RNF14: variants seen among roughly 807,000 people sequenced by gnomAD.
RNF14 encodes the protein ring finger protein 14, also known as E3 ubiquitin-protein ligase RNF14.
In RNF14, 26 loss-of-function variants were observed where a neutral mutation model predicts 52.6. That is an observed-to-expected ratio of 0.49 (90% CI 0.36 to 0.69). The LOEUF is 0.69. Ranked by LOEUF, RNF14 falls within the 30% of genes least tolerant of loss-of-function variation. The pLI, the probability that RNF14 is intolerant of heterozygous loss-of-function variation, is 0.00. For synonymous variants in RNF14, 194 were observed against 202.0 expected (o/e 0.96, Z 0.34); for missense variants, 404 against 560.4 (o/e 0.72, Z 2.82).
upstream of RNF14, chr5:141,966,936 A>G (rs1753363202): frequency 6.6e-6 from 1 of 152,296 alleles, no homozygotes; most frequent in Non-Finnish European, 1.5e-5. Context: ...CTCTTGGTCT[A>G]ATTCCTTTGG....
chr5:141,951,025 G>A, the RNF14 span, among the ~76,000 whole-genome samples: 15 of 152,278 alleles, frequency 9.9e-5, no homozygotes, highest in East Asian at 1.9e-4. Context: ...TTCTCCATCC[G>A]TAACAAGAAG....
chr5:141,956,536 G>T (rs192248760), upstream of RNF14: 34 of 1,614,190 alleles, frequency 2.1e-5, no homozygotes, highest in East Asian at 7.4e-4. Context: ...GGCTGATAAG[G>T]GCTGGAGTCC....
chr5:141,967,759 A>G (rs1753401187), upstream of RNF14, among the ~76,000 whole-genome samples: 1 of 152,276 alleles, frequency 6.6e-6, no homozygotes, highest in Non-Finnish European at 1.5e-5. Flanking sequence ...GATGGGTCCC[A>G]GGAGAAGGAG....
At chr5:141,987,268 G>A (rs752197098) in intron 8 of RNF14, among the ~76,000 whole-genome samples, 4 of 152,216 alleles carry the variant, frequency 2.6e-5, no homozygotes, top group Non-Finnish European at 4.4e-5. Flanking sequence ...CCCTTGGCCA[G>A]GAGAGGGTCT....
chr5:141,957,106 A>G, upstream of RNF14: 3 of 1,614,176 alleles, frequency 1.9e-6, no homozygotes, highest in Non-Finnish European at 2.5e-6. The surrounding 1 kb of genome is among the most constrained non-coding windows in gnomAD (Gnocchi z 4.3). Context: ...TTCCAGTGCC[A>G]GTGAACTCTC....
intron 6 of RNF14, 58 bp downstream of exon 6, chr5:141,980,409 C>G (rs1007964310): frequency 4.7e-6 from 6 of 1,279,460 alleles, no homozygotes; most frequent in South Asian, 3.6e-5. Context: ...ACATTTCACT[C>G]TACTACCAGG....
intron 2 of RNF14, among the ~76,000 whole-genome samples, chr5:141,971,564 TTTCTTTCTTTCTTTC>T (rs1471092848): frequency 9.8e-5 from 1 of 10,226 alleles, no homozygotes; most frequent in African/African-American, 5.2e-4. Context: ...CTAATTTCTT[TTTCTTTCTTTCTTTC>T]TTTCTTTCTT....
chr5:141,973,262 G>GAGTTTCA (rs1753953486), intron 2 of RNF14, among the ~76,000 whole-genome samples: 1 of 145,632 alleles, frequency 6.9e-6, no homozygotes, highest in South Asian at 2.2e-4. Flanking sequence ...TTTTGAAACG[G>GAGTTTCA]AGTTTCACTC....
At chr5:141,966,861 C>T (rs144498098), upstream of RNF14, 4 of 152,268 alleles carry the variant, frequency 2.6e-5, no homozygotes, top group African/African-American at 9.7e-5. Flanking sequence ...TCACTTTTTT[C>T]CTCACGAAGA....
At chr5:141,956,009 G>C (rs1483212863), upstream of RNF14, 2 of 1,614,052 alleles carry the variant, frequency 1.2e-6, no homozygotes, top group African/African-American at 2.7e-5. Context: ...AAAAGGAATG[G>C]CCGGGAGCTG....
chr5:141,976,991 A>T (rs1281925858), intron 4 of RNF14, among the ~76,000 whole-genome samples: 1 of 152,200 alleles, frequency 6.6e-6, no homozygotes, highest in East Asian at 1.9e-4. Context: ...GGGTTTCACC[A>T]TGTTGGCCAG....
chr5:141,973,225 C>T (rs920020694), intron 2 of RNF14, among the ~76,000 whole-genome samples: 2 of 148,040 alleles, frequency 1.4e-5, no homozygotes, highest in East Asian at 4.0e-4. Context: ...TTTTCCACCT[C>T]TGTGCATTTT....
At chr5:141,962,923 C>T (rs1753286487), upstream of RNF14, among the ~76,000 whole-genome samples, 1 of 152,136 alleles carries the variant, frequency 6.6e-6, no homozygotes, top group Non-Finnish European at 1.5e-5. Flanking sequence ...ATCCTTATCT[C>T]CACCCCAACT....
chr5:141,968,094 C>A (rs1337770845), upstream of RNF14, among the ~76,000 whole-genome samples: 1 of 150,144 alleles, frequency 6.7e-6, no homozygotes, highest in Non-Finnish European at 1.5e-5. Flanking sequence ...AAATTAAAAA[C>A]AATATATGGC....
At chr5:141,960,927 C>T (rs1265646035) in intron 1 of RNF14, among the ~76,000 whole-genome samples, 1 of 152,122 alleles carries the variant, frequency 6.6e-6, no homozygotes, top group Non-Finnish European at 1.5e-5. Flanking sequence ...GCAGAGAAAA[C>T]GGCACAGAGG....
the RNF14 span, chr5:141,951,510 G>A: frequency 5.0e-5 from 81 of 1,614,090 alleles, no homozygotes; most frequent in African/African-American, 6.5e-4. Flanking sequence ...CTCCTGGCTT[G>A]GCCAAGTACT....
upstream of RNF14, chr5:141,966,762 C>G (rs943852980): frequency 2.6e-5 from 4 of 152,360 alleles, no homozygotes; most frequent in East Asian, 1.9e-4. Context: ...TCTATTCTCT[C>G]TATCCTGTGA....
At chr5:141,957,293 C>T (rs140883612), upstream of RNF14, 2,075 of 1,613,460 alleles carry the variant, frequency 1.3e-3, 32 homozygotes, top group African/African-American at 0.025. This position sits in a 1 kb window ranked among gnomAD's most constrained non-coding sequence, Gnocchi z 4.3. Context: ...TCATCAGGGC[C>T]CACAATGACA....
At position 141,971,196 on chromosome 5, in the gene RNF14, C is replaced by T. The variant is rs139991916; in HGVS notation, c.-7+319C>T. On this transcript the variant is annotated intron_variant, in intron 2 of 8. Coordinates refer to ENST00000394520, the MANE Select transcript of RNF14 (RefSeq NM_004290.5). ...CATATTTTTTTCACATTTAAATTAT[C>T]TGAAATTGCTGTATCTTTCAGTTGA... is the stretch of plus-strand genomic sequence containing the variant. Among the ~76,000 whole-genome samples the T allele has an allele frequency of 5.9e-3, 904 of 152,164 alleles. 7 individuals are homozygous for T. Among genetic ancestry groups the T allele is most frequent in the African/African-American group, 0.019 (773 of 41,492 alleles).
Sources: allele counts gnomAD v4.1 joint callset (sites outside exome capture counted in the v4.1 genomes callset), GRCh38; gene constraint gnomAD v4.1.1; non-coding constraint Gnocchi (gnomAD v3.1); transcripts MANE v1.5; gene names NCBI Gene and HGNC (gene_info 2026-07-23, HGNC 2026-07-21).